Variants in ADAM23 observed in about 807,000 individuals in gnomAD.
ADAM23 encodes ADAM metallopeptidase domain 23.
A neutral mutation model predicts 120.1 loss-of-function variants in ADAM23; 33 were observed. The observed-to-expected ratio is 0.27, with a 90% CI of 0.21 to 0.37. The LOEUF (loss-of-function observed/expected upper bound fraction) is 0.37. Among genes scored for constraint, ADAM23 ranks in the 10% least tolerant of loss-of-function variants. The pLI, the probability that ADAM23 is intolerant of heterozygous loss-of-function variation, is 1.00. For missense variants in ADAM23, 862 were observed against 1,058.2 expected, an observed-to-expected ratio of 0.81 and a Z score of 2.57; for synonymous variants, 367 against 375.2, an observed-to-expected ratio of 0.98 and a Z score of 0.25.
At chr2:206,456,281 C>CCAT (rs1252070997) in intron 2 of ADAM23, among the ~76,000 whole-genome samples, 3 of 151,968 alleles carry the variant, frequency 2.0e-5, no homozygotes, top group Non-Finnish European at 2.9e-5. Context: ...CACACTTAAA[C>CCAT]CATCAGCTCT....
intron 2 of ADAM23, among the ~76,000 whole-genome samples, chr2:206,453,271 C>T (rs1290408040): frequency 6.6e-6 from 1 of 152,212 alleles, no homozygotes; most frequent in Non-Finnish European, 1.5e-5. Context: ...GTGGCAAGAA[C>T]CGAATCTATC....
chr2:206,588,438 TTATC>T (rs1255756233), intron 20 of ADAM23, among the ~76,000 whole-genome samples: 1 of 152,228 alleles, frequency 6.6e-6, no homozygotes, highest in East Asian at 1.9e-4. Flanking sequence ...TACAGTGTGA[TTATC>T]CAGCCACTTG....
At chr2:206,451,822 A>G (rs2105850681) in intron 2 of ADAM23, among the ~76,000 whole-genome samples, 1 of 152,288 alleles carries the variant, frequency 6.6e-6, no homozygotes, top group African/African-American at 2.4e-5. Context: ...TTCTATATCA[A>G]ACTGTAAGTC....
At chr2:206,504,976 T>C (rs1696466947) in intron 3 of ADAM23, among the ~76,000 whole-genome samples, 1 of 152,212 alleles carries the variant, frequency 6.6e-6, no homozygotes, top group African/African-American at 2.4e-5. Flanking sequence ...GTCAAAACAT[T>C]AATGAAGATT....
At chr2:206,581,330 C>T (rs972988772) in intron 18 of ADAM23, among the ~76,000 whole-genome samples, 1 of 152,152 alleles carries the variant, frequency 6.6e-6, no homozygotes, top group African/African-American at 2.4e-5. Context: ...TCTGTCTGTG[C>T]TCTTTCAGAC....
chr2:206,498,153 T>G (rs1164635496), intron 3 of ADAM23, among the ~76,000 whole-genome samples: 2 of 152,164 alleles, frequency 1.3e-5, no homozygotes, highest in African/African-American at 4.8e-5. Context: ...AAAACTACTT[T>G]AAAGTTTATA....
chr2:206,569,658 C>A (rs1008695383), intron 15 of ADAM23, among the ~76,000 whole-genome samples: 1 of 152,146 alleles, frequency 6.6e-6, no homozygotes, highest in African/African-American at 2.4e-5. Flanking sequence ...TCTAGTCAGC[C>A]CTTCCCTTTT....
chr2:206,463,539 G>A (rs1364513735), intron 2 of ADAM23, among the ~76,000 whole-genome samples: 1 of 152,188 alleles, frequency 6.6e-6, no homozygotes, highest in South Asian at 2.1e-4. Context: ...AATTTGTTAG[G>A]GTAGCAGCAG....
chr2:206,481,874 G>C (rs1695903484), intron 3 of ADAM23, among the ~76,000 whole-genome samples: 1 of 152,170 alleles, frequency 6.6e-6, no homozygotes, highest in African/African-American at 2.4e-5. Flanking sequence ...CAAATCAGTT[G>C]TACAGATGTC....
intron 2 of ADAM23, among the ~76,000 whole-genome samples, chr2:206,453,227 C>T (rs1028451907): frequency 6.6e-6 from 1 of 152,152 alleles, no homozygotes; most frequent in Admixed American, 6.5e-5. Context: ...TCTGTCCAAA[C>T]CCTGGGGCTA....
At chr2:206,482,180 G>T (rs1469188269) in intron 3 of ADAM23, among the ~76,000 whole-genome samples, 1 of 152,206 alleles carries the variant, frequency 6.6e-6, no homozygotes, top group African/African-American at 2.4e-5. Context: ...GCCAAATTCT[G>T]TGAGCTCTGC....
chr2:206,575,871 T>C (rs1698101972), intron 18 of ADAM23, among the ~76,000 whole-genome samples: 1 of 152,046 alleles, frequency 6.6e-6, no homozygotes, highest in Non-Finnish European at 1.5e-5. Context: ...TCACTCCACC[T>C]CCCAATGATG....
intron 24 of ADAM23, among the ~76,000 whole-genome samples, chr2:206,598,236 A>G (rs375358241): frequency 1.2e-4 from 19 of 152,180 alleles, no homozygotes; most frequent in Non-Finnish European, 1.9e-4. Flanking sequence ...TCTAGATGCT[A>G]TTTCCTCAAG....
At chr2:206,616,451 G>A (rs1698936724) in intron 25 of ADAM23, among the ~76,000 whole-genome samples, 1 of 152,156 alleles carries the variant, frequency 6.6e-6, no homozygotes, top group Admixed American at 6.5e-5. Flanking sequence ...GAAAAGACAA[G>A]TTTTCTTTAA....
At chr2:206,523,795 C>G (rs551312540) in intron 3 of ADAM23, among the ~76,000 whole-genome samples, 63 of 152,166 alleles carry the variant, frequency 4.1e-4, no homozygotes, top group Non-Finnish European at 7.1e-4. Flanking sequence ...TTACCACTTA[C>G]AGTAATTATC....
At chr2:206,611,011 T>C (rs1013185874) in intron 25 of ADAM23, among the ~76,000 whole-genome samples, 1 of 152,340 alleles carries the variant, frequency 6.6e-6, no homozygotes, top group Non-Finnish European at 1.5e-5. Context: ...ATAATTGCCT[T>C]AATTATAAAC....
rs535579075 is a variant in ADAM23, at chr2:206,586,419, A to C, written c.1738-906A>C. On this transcript the variant is annotated intron_variant, in intron 18 of 25. Transcript: ENST00000264377. ...GTCAGATTGGAATTATATTTTGAAG[A>C]TAGAACTAGCAGGATTTATGGACAG... 3.9e-5 allele frequency among the ~76,000 whole-genome samples: 6 copies of C among 152,180 alleles called. No individual in the cohort carries two copies. The South Asian group carries it at 6.2e-4, about 16-fold the overall frequency.
intron 25 of ADAM23, among the ~76,000 whole-genome samples, chr2:206,614,509 A>G (rs1574567968): frequency 6.6e-6 from 1 of 151,614 alleles, no homozygotes; most frequent in Non-Finnish European, 1.5e-5. Context: ...ACAAAAATTA[A>G]CCGGGCATGG....
intron 24 of ADAM23, among the ~76,000 whole-genome samples, chr2:206,598,979 C>A (rs918634962): frequency 1.4e-5 from 2 of 145,168 alleles, no homozygotes; most frequent in Admixed American, 6.9e-5. Context: ...CCCAGGCAGG[C>A]GGATCACCTG....
Sources: gnomAD v4.1 joint callset for allele counts (sites outside exome capture counted in the v4.1 genomes callset) on GRCh38, gnomAD v4.1.1 for gene constraint, MANE v1.5 for transcripts, NCBI Gene and HGNC (gene_info 2026-07-23, HGNC 2026-07-21) for gene names.